The following SEC14L1 variants were observed in gnomAD, a reference collection of about 807,000 sequenced individuals.
SEC14L1 encodes SEC14-like protein 1.
In SEC14L1, 48 loss-of-function variants were observed where a neutral mutation model predicts 85.3. The ratio of observed to expected loss-of-function variants is 0.56; its 90% confidence interval spans 0.45 to 0.72. The LOEUF is 0.72. Ranked by LOEUF, SEC14L1 falls within the 30% of genes least tolerant of loss-of-function variation. The probability of loss-of-function intolerance (pLI) is 0.00; values close to 1 mark genes in which losing one functional copy is unlikely to be tolerated. For missense variants in SEC14L1, 682 were observed against 921.4 expected (o/e 0.74, Z 3.36); for synonymous variants, 391 against 355.5 (o/e 1.10, Z -1.12).
At chr17:77,123,696 A>T (rs1598253809) in intron 3 of SEC14L1, among the ~76,000 whole-genome samples, 1 of 151,478 alleles carries the variant, frequency 6.6e-6, no homozygotes, top group East Asian at 2.0e-4. Context: ...TACAGGCGAG[A>T]GCCACCACAC....
At chr17:77,193,322 CGTAA>C (rs1166165730) in intron 5 of SEC14L1, 95 bp from the exon 6 acceptor site, 3 of 1,155,306 alleles carry the variant, frequency 2.6e-6, no homozygotes, top group Non-Finnish European at 3.6e-6. Context: ...TTGTTAGTAA[CGTAA>C]GTGTTTTTTT....
intron 3 of SEC14L1, among the ~76,000 whole-genome samples, chr17:77,149,539 AT>A (rs1165731438): frequency 1.3e-5 from 2 of 152,188 alleles, no homozygotes; most frequent in Non-Finnish European, 2.9e-5. Context: ...CTATAAAAAA[AT>A]AAAATTAAAA....
At chr17:77,162,561 G>A (rs371093888) in intron 3 of SEC14L1, among the ~76,000 whole-genome samples, 3 of 152,100 alleles carry the variant, frequency 2.0e-5, no homozygotes, top group South Asian at 4.1e-4. Flanking sequence ...GACCAGGTGC[G>A]GTGGCTCACA....
At chr17:77,151,828 C>A (rs1255716730) in intron 3 of SEC14L1, among the ~76,000 whole-genome samples, 3 of 152,210 alleles carry the variant, frequency 2.0e-5, no homozygotes, top group Admixed American at 6.5e-5. Flanking sequence ...CGTGGTAAGA[C>A]CCTGTCTCTA....
chr17:77,198,745 T>C (rs1162073229), intron 8 of SEC14L1, among the ~76,000 whole-genome samples: 1 of 151,894 alleles, frequency 6.6e-6, no homozygotes, highest in Admixed American at 6.6e-5. Context: ...AGATAATTTT[T>C]GTATTTTTAG....
Position 77,162,036 on chromosome 17 carries a change from G to T in SEC14L1, c.63+18377G>T, listed in dbSNP as rs138616584. ...ATACAAATCCCCGACCCAGAATTCT[G>T]CAGGTCGTCTATGAATGGTTTAGAG... On this transcript the variant is annotated intron_variant, in intron 3 of 16. Transcript: ENST00000436233. Among the ~76,000 whole-genome samples, 1,457 of 150,676 alleles carry T rather than the reference G, an allele frequency of 9.7e-3. 14 individuals are homozygous for T. The highest frequency in any genetic ancestry group is 0.027 in the South Asian group (128 of 4,776).
intron 3 of SEC14L1, among the ~76,000 whole-genome samples, chr17:77,169,118 TC>T (rs1336883890): frequency 1.3e-5 from 2 of 149,318 alleles, no homozygotes; most frequent in African/African-American, 4.9e-5. Context: ...CGCTCCAGTT[TC>T]TCAGCAGAGT....
rs756320908 is a variant in SEC14L1 at position 77,206,888 on chromosome 17, C to T, written c.1476+26C>T. ...GTATGTCCTGAGGCGAGGAACTGCA[C>T]ATTTGGCCCCTTATGCAGGTGGGAG... On this transcript the variant is annotated intron_variant, in intron 13 of 16. Transcript: ENST00000436233. The surrounding 1 kb of genome is among the most constrained non-coding windows in gnomAD (Gnocchi z 4.3). 6.7e-7 allele frequency: 1 copy of T among 1,495,944 alleles called. No homozygotes were observed. The highest frequency in any genetic ancestry group is 8.9e-7 in the Non-Finnish European group (1 of 1,121,222). The allele number at this position is 1,495,944 out of a possible 1,614,324, so 92.7% of individuals were successfully genotyped here. A position where few individuals can be genotyped will look rare whatever the true frequency, so the allele number is the denominator to read the frequency against.
Position 77,213,145 on chromosome 17 carries a change from A to G in SEC14L1, c.1864-169A>G, listed in dbSNP as rs1205343232. Among the ~76,000 whole-genome samples, 8 of 152,242 alleles carry G rather than the reference A, an allele frequency of 5.3e-5. No individual in the cohort carries two copies. The highest frequency in any genetic ancestry group is 1.0e-4 in the Non-Finnish European group (7 of 68,030). On this transcript the variant is annotated intron_variant, in intron 15 of 16. Transcript: ENST00000436233. The surrounding 1 kb of genome is among the most constrained non-coding windows in gnomAD (Gnocchi z 7.1). ...GACCACACTCAGTAGAGGGAAGGAC[A>G]TTGTCAAACCTGCTGCTGAAGCAAA...
intron 3 of SEC14L1, chr17:77,128,177 T>C (rs1309075058): frequency 6.6e-6 from 1 of 151,684 alleles, no homozygotes; most frequent in Non-Finnish European, 1.5e-5. Context: ...TACCCGGGGG[T>C]ATGGAGGAAG....
At chr17:77,200,953 TAC>T (rs1280386658) in intron 9 of SEC14L1, among the ~76,000 whole-genome samples, 1 of 152,250 alleles carries the variant, frequency 6.6e-6, no homozygotes, top group Admixed American at 6.5e-5. Context: ...CTCGGTGCAG[TAC>T]AGTTTGTTTT....
At chr17:77,120,458 G>T (rs1297432254) in intron 3 of SEC14L1, among the ~76,000 whole-genome samples, 1 of 151,804 alleles carries the variant, frequency 6.6e-6, no homozygotes, top group Non-Finnish European at 1.5e-5. Flanking sequence ...CTGCCCCGGA[G>T]TTTCTGATCC....
At chr17:77,146,832 T>C (rs554054672) in intron 3 of SEC14L1, among the ~76,000 whole-genome samples, 1 of 152,184 alleles carries the variant, frequency 6.6e-6, no homozygotes, top group Non-Finnish European at 1.5e-5. Context: ...CTGTGAGTGA[T>C]GTTTGTGTGG....
At chr17:77,183,395 T>C (rs1389489928) in intron 3 of SEC14L1, among the ~76,000 whole-genome samples, 1 of 152,232 alleles carries the variant, frequency 6.6e-6, no homozygotes, top group Admixed American at 6.5e-5. Context: ...TGAAAGTAAG[T>C]TGCTTTATGT....
chr17:77,125,812 G>A (rs1221956716), intron 3 of SEC14L1, among the ~76,000 whole-genome samples: 2 of 152,116 alleles, frequency 1.3e-5, no homozygotes, highest in Non-Finnish European at 2.9e-5. Context: ...TCTTGAAACT[G>A]GTGACCTGGA....
chr17:77,182,433 G>A (rs979102283), intron 3 of SEC14L1, among the ~76,000 whole-genome samples: 9 of 152,108 alleles, frequency 5.9e-5, no homozygotes, highest in African/African-American at 2.2e-4. Flanking sequence ...GCAGTTACCC[G>A]GGAGGAGCTT....
At chr17:77,204,522 C>CTTT (rs745921636) in intron 10 of SEC14L1, among the ~76,000 whole-genome samples, 11 of 84,728 alleles carry the variant, frequency 1.3e-4, no homozygotes, top group East Asian at 9.0e-4. Flanking sequence ...GCCCAGCCAG[C>CTTT]TTTTTTTTTT....
At position 77,216,423 on chromosome 17, in the gene SEC14L1, G is replaced by A. The variant is rs1428563732; in HGVS notation, c.*2400G>A. 19 of 1,569,934 alleles carry A rather than the reference G, an allele frequency of 1.2e-5. No homozygotes were observed. Among genetic ancestry groups the A allele is most frequent in the Admixed American group, 3.6e-5 (2 of 55,676 alleles). ...TAGGTAGGGTTCGTAGGTAGGGTTC[G>A]TAGGTAGGGTTCGTAGGTAGGGTTA... is the stretch of plus-strand genomic sequence containing the variant. On this transcript the variant is annotated 3_prime_UTR_variant, in exon 17 of 17. Transcript: ENST00000436233.
chr17:77,169,281 CG>C (rs1974428112), intron 3 of SEC14L1, among the ~76,000 whole-genome samples: 1 of 152,102 alleles, frequency 6.6e-6, no homozygotes, highest in East Asian at 1.9e-4. Flanking sequence ...AGAGAAGACA[CG>C]AGGTAAAATT....
Sources: allele counts gnomAD v4.1 joint callset (sites outside exome capture counted in the v4.1 genomes callset), GRCh38; gene constraint gnomAD v4.1.1; non-coding constraint Gnocchi (gnomAD v3.1); transcripts MANE v1.5; gene names NCBI Gene and HGNC (gene_info 2026-07-23, HGNC 2026-07-21).